LRRC8D: variants seen among roughly 807,000 people sequenced by gnomAD.
The protein encoded by LRRC8D is leucine rich repeat containing 8 VRAC subunit D.
A neutral mutation model predicts 55.8 loss-of-function variants in LRRC8D; 20 were observed. The ratio of observed to expected loss-of-function variants is 0.36; its 90% confidence interval spans 0.25 to 0.52. The LOEUF is 0.52. Among genes scored for constraint, LRRC8D ranks in the 20% least tolerant of loss-of-function variants. The pLI is 0.93. For missense variants in LRRC8D, 651 were observed against 1,030.8 expected, an observed-to-expected ratio of 0.63 and a Z score of 5.05; for synonymous variants, 352 against 377.0, an observed-to-expected ratio of 0.93 and a Z score of 0.77.
At chr1:89,889,969 C>G (rs772636503) in intron 2 of LRRC8D, among the ~76,000 whole-genome samples, 1 of 151,942 alleles carries the variant, frequency 6.6e-6, no homozygotes, top group Non-Finnish European at 1.5e-5. Context: ...GGGTGGATCA[C>G]GAGATCAGGA....
intron 2 of LRRC8D, among the ~76,000 whole-genome samples, chr1:89,873,845 T>C (rs1286521950): frequency 6.6e-6 from 1 of 152,230 alleles, no homozygotes; most frequent in Non-Finnish European, 1.5e-5. Context: ...ATGAACGACC[T>C]AGTAGGTCAT....
intron 1 of LRRC8D, chr1:89,843,425 G>A (rs942831826): frequency 1.1e-5 from 4 of 353,936 alleles, no homozygotes; most frequent in Non-Finnish European, 2.0e-5. Flanking sequence ...CCACCAGCAG[G>A]GGGGGCCCGG....
intron 2 of LRRC8D, among the ~76,000 whole-genome samples, chr1:89,891,590 AT>A (rs1345190474): frequency 1.3e-5 from 2 of 152,154 alleles, no homozygotes; most frequent in East Asian, 1.9e-4. Context: ...CCTAACAGTG[AT>A]TTTTGTCTTT....
intron 2 of LRRC8D, among the ~76,000 whole-genome samples, chr1:89,900,012 T>C (rs1425421297): frequency 1.3e-5 from 2 of 152,188 alleles, no homozygotes; most frequent in African/African-American, 4.8e-5. Context: ...CCCTGGAGAA[T>C]CTTACAGCTT....
chr1:89,851,399 A>T (rs911496452), intron 2 of LRRC8D, among the ~76,000 whole-genome samples: 7 of 151,928 alleles, frequency 4.6e-5, no homozygotes, highest in Non-Finnish European at 5.9e-5. Flanking sequence ...AGTGGGTCTT[A>T]TTCTTCCCCG....
chr1:89,931,583 AC>A (rs1253069642), intron 2 of LRRC8D, among the ~76,000 whole-genome samples: 6 of 151,968 alleles, frequency 3.9e-5, no homozygotes, highest in African/African-American at 1.5e-4. Flanking sequence ...ATATGGTGAA[AC>A]CCTGTCTCTA....
intron 2 of LRRC8D, among the ~76,000 whole-genome samples, chr1:89,916,589 C>T (rs1214364317): frequency 1.3e-5 from 2 of 152,152 alleles, no homozygotes; most frequent in East Asian, 1.9e-4. Flanking sequence ...GTCTTCATTA[C>T]GCTTTAATGA....
Position 89,843,718 on chromosome 1 carries a change from C to G in LRRC8D, c.-67C>G. 1 of 701,852 alleles carries G rather than the reference C, an allele frequency of 1.4e-6. No homozygotes were observed. Among genetic ancestry groups the G allele is most frequent in the South Asian group, 1.5e-5 (1 of 67,532 alleles). The allele number at this position is 701,852 out of a possible 1,614,324, so 43.5% of individuals were successfully genotyped here. ...CTCCTGTCGCCGTGGTTCCAGCCTC[C>G]GGAGCTCGCCCAAGCCGCGTCCCCA... On this transcript the variant is annotated 5_prime_UTR_variant, in exon 2 of 3. Coordinates refer to ENST00000337338, the MANE Select transcript of LRRC8D (RefSeq NM_001134479.2).
At chr1:89,909,647 A>G (rs569945751) in intron 2 of LRRC8D, among the ~76,000 whole-genome samples, 2 of 152,128 alleles carry the variant, frequency 1.3e-5, no homozygotes, top group South Asian at 4.2e-4. Flanking sequence ...CGGGCGGATC[A>G]TGAGGTCAGG....
At chr1:89,853,898 G>T (rs1463656329) in intron 2 of LRRC8D, among the ~76,000 whole-genome samples, 1 of 152,204 alleles carries the variant, frequency 6.6e-6, no homozygotes, top group African/African-American at 2.4e-5. Flanking sequence ...ACGCGGGTGT[G>T]TACACGTTTG....
chr1:89,823,311 C>T (rs1490441080), intron 1 of LRRC8D, among the ~76,000 whole-genome samples: 1 of 152,140 alleles, frequency 6.6e-6, no homozygotes, highest in East Asian at 1.9e-4. Flanking sequence ...ATGGTCAAAA[C>T]TTGGCCCTTT....
chr1:89,859,072 T>C (rs1661631181), intron 2 of LRRC8D, among the ~76,000 whole-genome samples: 1 of 151,932 alleles, frequency 6.6e-6, no homozygotes, highest in South Asian at 2.1e-4. Context: ...AAATTTTCTT[T>C]ACAAAATTTT....
At chr1:89,905,177 T>C (rs1021575153) in intron 2 of LRRC8D, among the ~76,000 whole-genome samples, 1 of 152,154 alleles carries the variant, frequency 6.6e-6, no homozygotes, top group Non-Finnish European at 1.5e-5. Flanking sequence ...AGAAAATAGT[T>C]TGAAGAAACT....
chr1:89,915,833 TTAAA>T (rs1663253104), intron 2 of LRRC8D, among the ~76,000 whole-genome samples: 1 of 152,326 alleles, frequency 6.6e-6, no homozygotes, highest in South Asian at 2.1e-4. Context: ...TTTTTGAGAG[TTAAA>T]TAGATGTGCT....
chr1:89,898,719 G>C (rs537416418), intron 2 of LRRC8D, among the ~76,000 whole-genome samples: 1 of 152,294 alleles, frequency 6.6e-6, no homozygotes, highest in South Asian at 2.1e-4. Context: ...TACACAAACA[G>C]CTTTACTAAG....
chr1:89,915,642 CT>C (rs1663248338), intron 2 of LRRC8D, among the ~76,000 whole-genome samples: 1 of 152,182 alleles, frequency 6.6e-6, no homozygotes, highest in Admixed American at 6.5e-5. Flanking sequence ...TATTCGCCCT[CT>C]TCAGTTTACC....
intron 1 of LRRC8D, among the ~76,000 whole-genome samples, chr1:89,821,556 C>T (rs1660632293): frequency 6.6e-6 from 1 of 152,134 alleles, no homozygotes; most frequent in Non-Finnish European, 1.5e-5. Context: ...CCCGGGCGGC[C>T]GGCCCTGCGG....
chr1:89,928,459 G>A (rs1334319991), intron 2 of LRRC8D, among the ~76,000 whole-genome samples: 1 of 152,110 alleles, frequency 6.6e-6, no homozygotes, highest in South Asian at 2.1e-4. Context: ...AAGTTCAATA[G>A]AAAGAAAAAA....
intron 2 of LRRC8D, among the ~76,000 whole-genome samples, chr1:89,926,084 A>G (rs574054860): frequency 1.3e-5 from 2 of 152,190 alleles, no homozygotes; most frequent in Admixed American, 6.5e-5. Flanking sequence ...CCCTCTCCCC[A>G]CCACCTCATG....
Sources: gnomAD v4.1 joint callset for allele counts (sites outside exome capture counted in the v4.1 genomes callset) on GRCh38, gnomAD v4.1.1 for gene constraint, MANE v1.5 for transcripts, NCBI Gene and HGNC (gene_info 2026-07-23, HGNC 2026-07-21) for gene names.